Variants in HOXC4 observed in about 807,000 individuals in gnomAD.
The protein encoded by HOXC4 is homeobox protein Hox-C4.
A neutral mutation model predicts 25.5 loss-of-function variants in HOXC4; 15 were observed. That is an observed-to-expected ratio of 0.59 (90% confidence interval 0.39 to 0.91). The LOEUF (loss-of-function observed/expected upper bound fraction) is 0.91. HOXC4 is among the 40% of genes least tolerant of loss of function. The probability of loss-of-function intolerance (pLI) is 0.00; values close to 1 mark genes in which losing one functional copy is unlikely to be tolerated. For missense variants in HOXC4, 342 were observed against 352.4 expected (o/e 0.97, Z 0.24); for synonymous variants, 165 against 148.0 (o/e 1.11, Z -0.83).
chr12:54,052,676 G>T (rs530465450), upstream of HOXC4, among the ~76,000 whole-genome samples: 32 of 152,200 alleles, frequency 2.1e-4, no homozygotes, highest in Admixed American at 1.2e-3. Context: ...GGGTGGCAGA[G>T]AGAGAGCAGG....
At chr12:54,053,597 G>T (rs1050269503), upstream of HOXC4, among the ~76,000 whole-genome samples, 3 of 152,200 alleles carry the variant, frequency 2.0e-5, no homozygotes, top group Non-Finnish European at 4.4e-5. Flanking sequence ...CTTTGGAGGG[G>T]AGCCGGGAGC....
At chr12:54,043,308 G>A (rs1052625565) in intron 1 of HOXC4, among the ~76,000 whole-genome samples, 7 of 152,188 alleles carry the variant, frequency 4.6e-5, no homozygotes, top group African/African-American at 1.7e-4. Context: ...GAAATGTGTA[G>A]CCTGGTCACC....
At chr12:54,026,940 C>T (rs1047688023) in intron 1 of HOXC4, among the ~76,000 whole-genome samples, 4 of 141,916 alleles carry the variant, frequency 2.8e-5, no homozygotes, top group Admixed American at 7.1e-5. Flanking sequence ...CAGCTTTCCC[C>T]CCCCCCAACC....
In HOXC4 at chr12:54,053,889, A is replaced by G. The variant is rs1307043727; in HGVS notation, c.-34A>G. 1 of 1,556,700 alleles carries G rather than the reference A, an allele frequency of 6.4e-7. No individual in the cohort carries two copies. The highest frequency in any genetic ancestry group is 8.8e-7 in the Non-Finnish European group (1 of 1,135,110). On this transcript the variant is annotated 5_prime_UTR_variant, in exon 1 of 2. Coordinates refer to ENST00000430889, the MANE Select transcript of HOXC4 (RefSeq NM_153633.3). ...GGCTTTATGGAGCAGAAAAACGACA[A>G]AGCGAGAAAAATTATTTTCCACTCC...
At position 54,029,411 on chromosome 12, in the gene HOXC4, GCC is replaced by G. The variant is rs1296757845; in HGVS notation, c.-124+12007_-124+12008del. ...TGTTTGCCTTTTGCCCCGCCCCCCCGCCCCCCCCCCCACCACACACCTTTCTT... is the reference window on the plus strand; with the variant it reads ...TGTTTGCCTTTTGCCCCGCCCCCCCGCCCCCCCCCACCACACACCTTTCTT... On this transcript the variant is annotated intron_variant, in intron 1 of 3. Transcript: ENST00000303406. 8.8e-4 allele frequency among the ~76,000 whole-genome samples: 68 copies of G among 76,922 alleles called. 1 individual carries two copies. The highest frequency in any genetic ancestry group is 2.9e-3 in the African/African-American group (66 of 22,888). 50.5% of individuals were successfully genotyped at this position (76,922 alleles called of 152,430 possible). A position where few individuals can be genotyped will look rare whatever the true frequency, so the allele number is the denominator to read the frequency against.
At chr12:54,028,591 G>A (rs1940837478) in intron 1 of HOXC4, 5 of 1,613,978 alleles carry the variant, frequency 3.1e-6, no homozygotes, top group African/African-American at 1.3e-5. Context: ...CCTCCCCAAC[G>A]TCGCCCTCAA....
chr12:54,019,641 G>T (rs2136417037), intron 1 of HOXC4, among the ~76,000 whole-genome samples: 1 of 152,182 alleles, frequency 6.6e-6, no homozygotes, highest in Middle Eastern at 3.4e-3. Flanking sequence ...CAGGCCAGTG[G>T]AGATTCACCT....
chr12:54,053,266 C>T (rs1937889029), upstream of HOXC4: 1 of 152,494 alleles, frequency 6.6e-6, no homozygotes, highest in African/African-American at 2.4e-5. Flanking sequence ...GCCGCATGGC[C>T]AGAGGGTTGG....
At chr12:54,029,393 C>T (rs1166664527) in intron 1 of HOXC4, among the ~76,000 whole-genome samples, 3 of 138,772 alleles carry the variant, frequency 2.2e-5, no homozygotes, top group Non-Finnish European at 3.1e-5. Context: ...TTCTGTTTGC[C>T]TTTTGCCCCG....
chr12:54,025,381 A>G (rs2136428599), intron 1 of HOXC4, among the ~76,000 whole-genome samples: 1 of 152,286 alleles, frequency 6.6e-6, no homozygotes, highest in South Asian at 2.1e-4. Context: ...TGGGAAAAAG[A>G]AAATATAATC....
chr12:54,033,527 G>T, intron 1 of HOXC4: 2 of 1,561,734 alleles, frequency 1.3e-6, no homozygotes, highest in Middle Eastern at 2.3e-4. Context: ...GCCAGCCACC[G>T]GCCCCGCCAC....
chr12:54,018,585 C>G (rs1940274197), intron 1 of HOXC4, among the ~76,000 whole-genome samples: 1 of 152,224 alleles, frequency 6.6e-6, no homozygotes, highest in African/African-American at 2.4e-5. Context: ...AACACAGTGG[C>G]TTAATTTCTT....
chr12:54,018,830 A>G (rs1005140992), intron 1 of HOXC4, among the ~76,000 whole-genome samples: 1 of 152,070 alleles, frequency 6.6e-6, no homozygotes, highest in Non-Finnish European at 1.5e-5. Flanking sequence ...CTAAGCCAAG[A>G]CACCCCCTCT....
At chr12:54,038,344 G>C (rs931084030) in intron 1 of HOXC4, among the ~76,000 whole-genome samples, 1 of 152,200 alleles carries the variant, frequency 6.6e-6, no homozygotes, top group African/African-American at 2.4e-5. Flanking sequence ...AGCAACAAGG[G>C]TGTTTGGTGT....
intron 1 of HOXC4, among the ~76,000 whole-genome samples, chr12:54,042,320 T>C (rs1467094161): frequency 6.6e-6 from 1 of 152,222 alleles, no homozygotes; most frequent in Non-Finnish European, 1.5e-5. Context: ...GACACACTTA[T>C]TCTTCCCCAG....
chr12:54,041,432 G>A (rs1464825090), intron 1 of HOXC4, among the ~76,000 whole-genome samples: 1 of 152,204 alleles, frequency 6.6e-6, no homozygotes. Context: ...GAGTTCTGAT[G>A]GACTGTGGCA....
Position 54,028,262 on chromosome 12 carries a change from TATATA to T in HOXC4, c.-124+10849_-124+10853del, listed in dbSNP as rs1329695523. The T allele has an allele frequency of 6.4e-3, 474 of 73,504 alleles. 5 individuals carry two copies. Among genetic ancestry groups the T allele is most frequent in the African/African-American group, 0.019 (427 of 22,014 alleles). The allele number at this position is 73,504 out of a possible 1,614,324, so 4.6% of individuals were successfully genotyped here. ...GTTCCCTTACATATATATATATATA[TATATA>T]TTTTTTAAAAGAAATCCAAGTCTTA... On this transcript the variant is annotated intron_variant, in intron 1 of 3. Transcript: ENST00000303406.
At chr12:54,025,136 G>C (rs754133) in intron 1 of HOXC4, among the ~76,000 whole-genome samples, 1 of 151,926 alleles carries the variant, frequency 6.6e-6, no homozygotes, top group East Asian at 1.9e-4. Flanking sequence ...CTTTAGGCTC[G>C]TTTTATAGAA....
At chr12:54,043,962 G>GTGTC (rs1436599510) in intron 1 of HOXC4, among the ~76,000 whole-genome samples, 1 of 122,522 alleles carries the variant, frequency 8.2e-6, no homozygotes, top group Non-Finnish European at 1.7e-5. Flanking sequence ...GTGTGTGTGT[G>GTGTC]TGTGTTTAGG....
Sources: allele counts gnomAD v4.1 joint callset (sites outside exome capture counted in the v4.1 genomes callset), GRCh38; gene constraint gnomAD v4.1.1; transcripts MANE v1.5; gene names NCBI Gene and HGNC (gene_info 2026-07-23, HGNC 2026-07-21).